The following RIMS1 variants were observed in gnomAD, a reference collection of about 807,000 sequenced individuals.
The protein encoded by RIMS1 is regulating synaptic membrane exocytosis 1.
RIMS1 carries 83 observed loss-of-function variants against 214.1 expected under a neutral mutation model. The ratio of observed to expected loss-of-function variants is 0.39; its 90% CI spans 0.32 to 0.47. The LOEUF (loss-of-function observed/expected upper bound fraction) is 0.47. Among genes scored for constraint, RIMS1 ranks in the 20% least tolerant of loss-of-function variants. The pLI is 0.99. For synonymous variants in RIMS1, 793 were observed against 786.8 expected (o/e 1.01, Z -0.13); for missense variants, 2,050 against 2,161.8 (o/e 0.95, Z 1.03).
chr6:72,097,062 A>G lies in RIMS1; in HGVS notation c.359A>G (p.His120Arg), dbSNP rs769686138. The G allele has an allele frequency of 6.2e-7, 1 of 1,614,024 alleles. No individual in the cohort carries two copies. Among genetic ancestry groups the G allele is most frequent in the Non-Finnish European group, 8.5e-7 (1 of 1,179,892 alleles). ...GATGCTCCGACTTGTGGAATCTGTCATAAAACAAAGTTTGCTGATGGGTGC... is the reference window on the plus strand; with the variant it reads ...GATGCTCCGACTTGTGGAATCTGTCGTAAAACAAAGTTTGCTGATGGGTGC... ...KDDAPTCGIC[H>R]KTKFADGCGH... Residue 120 changes from histidine (H) to arginine (R), a missense_variant, in exon 3 of 34, where the codon CAT becomes CGT. Coordinates refer to ENST00000521978, the MANE Select transcript of RIMS1 (RefSeq NM_014989.7).
At chr6:72,375,376 C>T (rs1034071427) in intron 29 of RIMS1, among the ~76,000 whole-genome samples, 2 of 152,070 alleles carry the variant, frequency 1.3e-5, no homozygotes, top group African/African-American at 2.4e-5. Context: ...TTTTTTTCTC[C>T]TCTAAAAGCA....
intron 1 of RIMS1, among the ~76,000 whole-genome samples, chr6:71,905,856 TTGTGGGGAAAATGAGTTC>T (rs1775103885): frequency 6.6e-6 from 1 of 152,106 alleles, no homozygotes; most frequent in Non-Finnish European, 1.5e-5. Flanking sequence ...GTTTTGTATT[TTGTGGGGAAAATGAGTTC>T]TGCTGCAAAA....
In RIMS1 at chr6:72,402,228, G is replaced by A. The variant is rs1250807390; in HGVS notation, c.*1514G>A. On this transcript the variant is annotated 3_prime_UTR_variant, in exon 34 of 34. Transcript: ENST00000521978. ...ATGTATGTTAGTTCCACATAGGCCA[G>A]CTTGTATGTTGCATGTACTTGTACA... 1 of 152,636 alleles carries A rather than the reference G, an allele frequency of 6.6e-6. No individual in the cohort carries two copies. The highest frequency in any genetic ancestry group is 1.5e-5 in the Non-Finnish European group (1 of 68,030). The allele number at this position is 152,636 out of a possible 1,614,324, so 9.5% of individuals were successfully genotyped here. A position where few individuals can be genotyped will look rare whatever the true frequency, so the allele number is the denominator to read the frequency against.
chr6:72,164,684 T>C (rs2046011098), intron 4 of RIMS1, among the ~76,000 whole-genome samples: 1 of 152,222 alleles, frequency 6.6e-6, no homozygotes, highest in Admixed American at 6.5e-5. Context: ...GCTATAACAA[T>C]ATACCATAGA....
In RIMS1 at chr6:72,401,020, C is replaced by T. The variant is rs767831439; in HGVS notation, c.*306C>T. 17 of 274,534 alleles carry T rather than the reference C, an allele frequency of 6.2e-5. No homozygotes were observed. Among genetic ancestry groups the T allele is most frequent in the Non-Finnish European group, 9.1e-5 (13 of 142,214 alleles). The allele number at this position is 274,534 out of a possible 1,614,324, so 17.0% of individuals were successfully genotyped here. ...GTACACACACACATGCACACACACACACACCAAATTGAACAAACTGGAAAC... is the reference window on the plus strand; with the variant it reads ...GTACACACACACATGCACACACACATACACCAAATTGAACAAACTGGAAAC... On this transcript the variant is annotated 3_prime_UTR_variant, in exon 34 of 34. Coordinates refer to ENST00000521978, the MANE Select transcript of RIMS1 (RefSeq NM_014989.7).
chr6:72,227,433 GTTA>G (rs2060531442), intron 6 of RIMS1, among the ~76,000 whole-genome samples: 1 of 114,194 alleles, frequency 8.8e-6, no homozygotes, highest in Non-Finnish European at 1.9e-5. Flanking sequence ...ATGAGAGTTA[GTTA>G]CCTTCTGAGT....
intron 29 of RIMS1, among the ~76,000 whole-genome samples, chr6:72,340,490 G>C (rs1214110620): frequency 6.6e-6 from 1 of 152,046 alleles, no homozygotes; most frequent in Non-Finnish European, 1.5e-5. Context: ...TCCAGTTTCA[G>C]CTTTCTACAT....
At chr6:72,325,599 A>G (rs1377898087) in intron 28 of RIMS1, among the ~76,000 whole-genome samples, 1 of 151,760 alleles carries the variant, frequency 6.6e-6, no homozygotes, top group Non-Finnish European at 1.5e-5. Context: ...TCAATGTAAT[A>G]TAGTCAGAAA....
At chr6:72,170,612 G>A (rs2046900091) in intron 4 of RIMS1, among the ~76,000 whole-genome samples, 2 of 152,064 alleles carry the variant, frequency 1.3e-5, no homozygotes, top group South Asian at 4.2e-4. Context: ...CAAAGTGCTG[G>A]GATGAGCCAC....
intron 32 of RIMS1, 90 bp downstream of exon 32, chr6:72,398,440 T>C: frequency 1.4e-6 from 1 of 709,818 alleles, no homozygotes; most frequent in Non-Finnish European, 2.3e-6. Flanking sequence ...TCATATGCTC[T>C]GTTTTGCATC....
rs1422335326 is a variant in RIMS1, at chr6:72,118,026, GT to G, written c.471+18041del. ...GATATACAAAATCAATAGACCATTG[GT>G]AAGATTAACCAACAAAAGAAGAAAT... On this transcript the variant is annotated intron_variant, in intron 4 of 33. Transcript: ENST00000521978. Among the ~76,000 whole-genome samples, 2 of 147,128 alleles carry G rather than the reference GT, an allele frequency of 1.4e-5. 1 individual carries two copies. The highest frequency in any genetic ancestry group is 1.4e-4 in the Admixed American group (2 of 14,694).
At chr6:72,341,665 A>G (rs2097097843) in intron 29 of RIMS1, among the ~76,000 whole-genome samples, 1 of 151,778 alleles carries the variant, frequency 6.6e-6, no homozygotes, top group African/African-American at 2.4e-5. Flanking sequence ...ATACACATGA[A>G]CCAAGCAACA....
intron 1 of RIMS1, among the ~76,000 whole-genome samples, chr6:71,951,492 T>TG (rs1554151371): frequency 2.0e-4 from 23 of 117,488 alleles, no homozygotes; most frequent in Middle Eastern, 3.7e-3. Flanking sequence ...TTTTTTTTTT[T>TG]TGTGTGTGTG....
intron 6 of RIMS1, among the ~76,000 whole-genome samples, chr6:72,207,974 T>A (rs939783342): frequency 1.3e-5 from 2 of 152,154 alleles, no homozygotes; most frequent in Non-Finnish European, 2.9e-5. Context: ...AAATCAAGAC[T>A]TATAATGGTT....
chr6:72,162,745 T>G (rs1444219896), intron 4 of RIMS1, among the ~76,000 whole-genome samples: 1 of 140,644 alleles, frequency 7.1e-6, no homozygotes, highest in Non-Finnish European at 1.6e-5. Context: ...TAGAGTTTCT[T>G]CCAAGAGATC....
intron 1 of RIMS1, among the ~76,000 whole-genome samples, chr6:71,929,852 G>A (rs1033823642): frequency 7.9e-5 from 12 of 152,018 alleles, no homozygotes; most frequent in African/African-American, 2.7e-4. Context: ...CCAGGACTCT[G>A]TAAAACTTGG....
chr6:72,219,928 A>C (rs2057829029), intron 6 of RIMS1, among the ~76,000 whole-genome samples: 1 of 152,104 alleles, frequency 6.6e-6, no homozygotes, highest in East Asian at 1.9e-4. Context: ...TGTCTAAGGT[A>C]TTCATCAGAG....
chr6:72,342,834 A>AT (rs922112478), intron 29 of RIMS1, among the ~76,000 whole-genome samples: 3 of 151,748 alleles, frequency 2.0e-5, no homozygotes, highest in Admixed American at 1.3e-4. Context: ...GAGAAGGTTG[A>AT]TTTTTTTCCT....
chr6:72,189,464 G>A (rs2049700359), intron 6 of RIMS1, among the ~76,000 whole-genome samples: 1 of 152,200 alleles, frequency 6.6e-6, no homozygotes, highest in South Asian at 2.1e-4. Context: ...TCCATGGATG[G>A]TAGTCTTGGC....
Sources: gnomAD v4.1 joint callset for allele counts (sites outside exome capture counted in the v4.1 genomes callset) on GRCh38, gnomAD v4.1.1 for gene constraint, MANE v1.5 for transcripts, NCBI Gene and HGNC (gene_info 2026-07-23, HGNC 2026-07-21) for gene names.